The following RALGAPA1 variants were observed in gnomAD, a reference collection of about 807,000 sequenced individuals.
RALGAPA1 encodes the protein Ral GTPase activating protein catalytic subunit alpha 1, also known as ral GTPase-activating protein subunit alpha-1.
RALGAPA1 carries 52 observed loss-of-function variants against 269.6 expected under a neutral mutation model. That is an observed-to-expected ratio of 0.19 (90% confidence interval 0.15 to 0.24). RALGAPA1 has a LOEUF of 0.24. RALGAPA1 is among the 10% of genes least tolerant of loss of function. RALGAPA1 has a pLI of 1.00. For missense variants in RALGAPA1, 1,917 were observed against 3,013.9 expected, an observed-to-expected ratio of 0.64 and a Z score of 8.52; for synonymous variants, 817 against 1,008.3, an observed-to-expected ratio of 0.81 and a Z score of 3.60.
At chr14:35,685,600 C>T (rs1398313052) in intron 19 of RALGAPA1, among the ~76,000 whole-genome samples, 6 of 152,008 alleles carry the variant, frequency 3.9e-5, no homozygotes, top group African/African-American at 1.5e-4. Flanking sequence ...TGAAATATGA[C>T]AGTTTAAAAA....
At chr14:35,561,249 A>AT (rs1425464415) in intron 39 of RALGAPA1, among the ~76,000 whole-genome samples, 8 of 150,240 alleles carry the variant, frequency 5.3e-5, no homozygotes, top group African/African-American at 1.5e-4. Context: ...AAAAAAAAAA[A>AT]AAATACAGTA....
At chr14:35,788,078 T>C (rs1231509819) in intron 1 of RALGAPA1, among the ~76,000 whole-genome samples, 1 of 152,126 alleles carries the variant, frequency 6.6e-6, no homozygotes, top group Non-Finnish European at 1.5e-5. Flanking sequence ...TTCAAGCGAT[T>C]CTCCTGCCTC....
rs145399315 is a variant in RALGAPA1, at chr14:35,590,411, T to G, written c.7209+5223A>C. ...TCCCCAACCAAATCTCATCTTGAAT[T>G]GTAATCACTGGGTATTGAGAGAGGA... On this transcript the variant is annotated intron_variant, in intron 37 of 41. Coordinates refer to ENST00000680220, the MANE Select transcript of RALGAPA1 (RefSeq NM_001346249.2). Among the ~76,000 whole-genome samples, 22 of 152,350 alleles carry G rather than the reference T, an allele frequency of 1.4e-4. No homozygotes were observed. The East Asian group carries it at 3.9e-3, about 27-fold the overall frequency.
intron 36 of RALGAPA1, 71 bp from the exon 37 acceptor site, chr14:35,595,860 T>A (rs569129486): frequency 7.7e-7 from 1 of 1,305,426 alleles, no homozygotes; most frequent in Non-Finnish European, 1.1e-6. Context: ...AGACTCAAAC[T>A]TCTTGCTTAA....
chr14:35,582,402 C>T (rs1470169454), intron 37 of RALGAPA1, among the ~76,000 whole-genome samples: 1 of 152,188 alleles, frequency 6.6e-6, no homozygotes, highest in South Asian at 2.1e-4. Flanking sequence ...GCCGAACAAA[C>T]TGAAAATCAA....
chr14:35,563,016 G>A (rs542967411), intron 39 of RALGAPA1, among the ~76,000 whole-genome samples: 11 of 58,000 alleles, frequency 1.9e-4, no homozygotes, highest in East Asian at 2.4e-3. Flanking sequence ...GCGAGAGTCC[G>A]TCTCAAAAAA....
At chr14:35,732,985 G>T (rs1161286844) in intron 12 of RALGAPA1, among the ~76,000 whole-genome samples, 1 of 152,106 alleles carries the variant, frequency 6.6e-6, no homozygotes, top group Non-Finnish European at 1.5e-5. Flanking sequence ...TCCAAGATAG[G>T]CCATATGATA....
intron 31 of RALGAPA1, among the ~76,000 whole-genome samples, chr14:35,637,408 T>G (rs913869492): frequency 6.6e-6 from 1 of 152,154 alleles, no homozygotes; most frequent in African/African-American, 2.4e-5. Context: ...ATTCTGGAGC[T>G]GAAAAATGCA....
chr14:35,785,034 T>C (rs564949424), intron 1 of RALGAPA1, among the ~76,000 whole-genome samples: 1 of 152,202 alleles, frequency 6.6e-6, no homozygotes, highest in African/African-American at 2.4e-5. Flanking sequence ...AATAAATAAA[T>C]AAAAATGAAA....
At chr14:35,551,122 C>G (rs1264272213) in intron 39 of RALGAPA1, among the ~76,000 whole-genome samples, 1 of 152,054 alleles carries the variant, frequency 6.6e-6, no homozygotes, top group Non-Finnish European at 1.5e-5. Flanking sequence ...AAATACTGGC[C>G]TTTGTGTATT....
chr14:35,586,513 T>A (rs1383507941), intron 37 of RALGAPA1, among the ~76,000 whole-genome samples: 3 of 152,332 alleles, frequency 2.0e-5, no homozygotes, highest in South Asian at 2.1e-4. Context: ...AGAGAGGGCA[T>A]CCTTGTCTTG....
At chr14:35,805,405 G>A (rs1342310705) in intron 1 of RALGAPA1, among the ~76,000 whole-genome samples, 9 of 149,316 alleles carry the variant, frequency 6.0e-5, no homozygotes, top group Non-Finnish European at 1.2e-4. Context: ...TCGCGCCACT[G>A]CATTCCAGCC....
intron 35 of RALGAPA1, among the ~76,000 whole-genome samples, chr14:35,624,131 G>A (rs1594863399): frequency 1.4e-5 from 1 of 71,244 alleles, no homozygotes; most frequent in African/African-American, 5.7e-5. Flanking sequence ...AATGACTGAG[G>A]AAATGCTCAC....
In RALGAPA1 at chr14:35,538,447, T is replaced by C. The variant is rs1203280868; in HGVS notation, c.*1267A>G. On this transcript the variant is annotated 3_prime_UTR_variant, in exon 42 of 42. Transcript: ENST00000680220. ...CAAATTATAGATACTACATGAATGA[T>C]GATACATAATTTATATTTTACGGTT... The C allele has an allele frequency of 2.6e-5, 4 of 152,656 alleles. No homozygotes were observed. The highest frequency in any genetic ancestry group is 7.2e-5 in the African/African-American group (3 of 41,458). 9.5% of individuals were successfully genotyped at this position (152,656 alleles called of 1,614,324 possible).
At chr14:35,742,946 G>C (rs529478310) in intron 10 of RALGAPA1, among the ~76,000 whole-genome samples, 1 of 152,242 alleles carries the variant, frequency 6.6e-6, no homozygotes, top group East Asian at 1.9e-4. Flanking sequence ...CAGCAGCTCA[G>C]GGGCAAGACA....
chr14:35,679,773 A>G (rs886178224), intron 21 of RALGAPA1, among the ~76,000 whole-genome samples: 3 of 152,180 alleles, frequency 2.0e-5, no homozygotes, highest in African/African-American at 7.2e-5. Context: ...AAGTAGTAGC[A>G]CAGTAAGTAA....
At chr14:35,673,118 T>C (rs1455410995) in intron 24 of RALGAPA1, 96 bp from the exon 25 acceptor site, 6 of 1,221,370 alleles carry the variant, frequency 4.9e-6, no homozygotes, top group Admixed American at 8.3e-5. Context: ...TATAATCTCA[T>C]TTATTTCCAT....
Position 35,538,756 on chromosome 14 carries a change from T to C in RALGAPA1, c.*958A>G, listed in dbSNP as rs1566626818. ...CCTTCTTTTCTTCCCCATCTTCTTT[T>C]TGGTGCTTAAAAAAGAACATAGAAA... On this transcript the variant is annotated 3_prime_UTR_variant, in exon 42 of 42. Coordinates refer to ENST00000680220, the MANE Select transcript of RALGAPA1 (RefSeq NM_001346249.2). 1 of 151,332 alleles carries C rather than the reference T, an allele frequency of 6.6e-6. No individual in the cohort carries two copies. Among genetic ancestry groups the C allele is most frequent in the Non-Finnish European group, 1.5e-5 (1 of 67,914 alleles). 9.4% of individuals were successfully genotyped at this position (151,332 alleles called of 1,614,324 possible). A position where few individuals can be genotyped will look rare whatever the true frequency, so the allele number is the denominator to read the frequency against.
chr14:35,766,420 C>G, intron 4 of RALGAPA1: 1 of 1,574,146 alleles, frequency 6.4e-7, no homozygotes, highest in Non-Finnish European at 8.7e-7. Flanking sequence ...GAAGTACAGT[C>G]TCTTTGGTCC....
Sources: gnomAD v4.1 joint callset for allele counts (sites outside exome capture counted in the v4.1 genomes callset) on GRCh38, gnomAD v4.1.1 for gene constraint, MANE v1.5 for transcripts, NCBI Gene and HGNC (gene_info 2026-07-23, HGNC 2026-07-21) for gene names.